The following ANO10 variants were observed in gnomAD, a reference collection of about 807,000 sequenced individuals.
The protein encoded by ANO10 is anoctamin-10.
Under a neutral mutation model 74.7 loss-of-function variants are expected in ANO10, and 77 were observed. That is an observed-to-expected ratio of 1.03 (90% CI 0.86 to 1.25). The LOEUF (loss-of-function observed/expected upper bound fraction) is 1.25. ANO10 is among the 50% of genes most tolerant of loss of function. The pLI is 0.00. For missense variants in ANO10, 721 were observed against 778.1 expected, an observed-to-expected ratio of 0.93 and a Z score of 0.87; for synonymous variants, 279 against 284.9, an observed-to-expected ratio of 0.98 and a Z score of 0.21.
chr3:43,409,295 T>A (rs1037236692), intron 12 of ANO10, among the ~76,000 whole-genome samples: 1 of 150,580 alleles, frequency 6.6e-6, no homozygotes, highest in African/African-American at 2.4e-5. Flanking sequence ...TGCCTGTAAT[T>A]CCAGCACTTT....
chr3:43,670,483 T>C (rs1315657829), intron 1 of ANO10, among the ~76,000 whole-genome samples: 1 of 152,178 alleles, frequency 6.6e-6, no homozygotes, highest in African/African-American at 2.4e-5. Flanking sequence ...TAGGATGAAG[T>C]TGATTTCCAA....
Position 43,574,863 on chromosome 3 carries a change from C to A in ANO10, c.1164G>T (p.Glu388Asp). ...GATAGGCAGATTCCAATCTGTGATT[C>A]TCTAAAACATTAAAACACACAGGTA... ...RYAAEFLTSW[E>D]NHRLESAYQN... The change falls in exon 7 of 13, where the codon GAG becomes GAT. Residue 388 changes from glutamate (E) to aspartate (D), a missense_variant and splice_region_variant. Physicochemically the swap from Glu to Asp is conservative, Grantham distance 45. Transcript: ENST00000292246. 1 of 1,613,646 alleles carries A rather than the reference C, an allele frequency of 6.2e-7. No homozygotes were observed. Among genetic ancestry groups the A allele is most frequent in the South Asian group, 1.1e-5 (1 of 91,052 alleles).
intron 1 of ANO10, among the ~76,000 whole-genome samples, chr3:43,638,160 C>T (rs1166562006): frequency 6.6e-6 from 1 of 152,170 alleles, no homozygotes; most frequent in Non-Finnish European, 1.5e-5. Context: ...TATAAATGGT[C>T]ATTGACTAAC....
chr3:43,578,749 CAAAAAAAAAAAAAAAAA>C (rs56186109), intron 5 of ANO10, among the ~76,000 whole-genome samples: 3 of 64,444 alleles, frequency 4.7e-5, no homozygotes, highest in South Asian at 1.1e-3. Context: ...GACTCCATCT[CAAAAAAAAAAAAAAAAA>C]AAAAAAAAAA....
chr3:43,594,902 T>G (rs1291992627), intron 4 of ANO10, among the ~76,000 whole-genome samples: 1 of 151,796 alleles, frequency 6.6e-6, no homozygotes, highest in Non-Finnish European at 1.5e-5. Flanking sequence ...AAGAATCAAA[T>G]AGACACAATA....
At chr3:43,630,416 G>T (rs2083534642) in intron 1 of ANO10, among the ~76,000 whole-genome samples, 1 of 151,944 alleles carries the variant, frequency 6.6e-6, no homozygotes. Context: ...GACACACCAG[G>T]CAAATATAAA....
chr3:43,575,539 A>G (rs1386317135), intron 6 of ANO10, among the ~76,000 whole-genome samples: 1 of 152,208 alleles, frequency 6.6e-6, no homozygotes, highest in Admixed American at 6.5e-5. Flanking sequence ...CACTCTCAGG[A>G]TCAGAAATAA....
At chr3:43,391,525 T>C (rs1482261324) in intron 12 of ANO10, among the ~76,000 whole-genome samples, 1 of 152,232 alleles carries the variant, frequency 6.6e-6, no homozygotes, top group Non-Finnish European at 1.5e-5. Context: ...CACTCCTTTG[T>C]GGAATCCCCT....
chr3:43,505,579 T>C (rs1470457881), intron 11 of ANO10, among the ~76,000 whole-genome samples: 2 of 152,244 alleles, frequency 1.3e-5, no homozygotes, highest in African/African-American at 4.8e-5. Flanking sequence ...AGGAATGATA[T>C]AACACATTTT....
chr3:43,674,544 C>T (rs956662863), intron 1 of ANO10, among the ~76,000 whole-genome samples: 25 of 152,102 alleles, frequency 1.6e-4, no homozygotes, highest in African/African-American at 5.6e-4. Flanking sequence ...TCATCATTCT[C>T]AACACTTAAG....
chr3:43,369,150 T>C (rs2091516683), intron 12 of ANO10, among the ~76,000 whole-genome samples: 1 of 152,242 alleles, frequency 6.6e-6, no homozygotes, highest in South Asian at 2.1e-4. Context: ...GCCCCCCACT[T>C]GTCCTTATAA....
chr3:43,421,751 T>C (rs1363315690), intron 12 of ANO10, among the ~76,000 whole-genome samples: 1 of 152,022 alleles, frequency 6.6e-6, no homozygotes, highest in Non-Finnish European at 1.5e-5. Flanking sequence ...GGAAGCAGGA[T>C]TGTTTGAGCC....
At chr3:43,402,627 G>C (rs2092503475) in intron 12 of ANO10, among the ~76,000 whole-genome samples, 1 of 152,014 alleles carries the variant, frequency 6.6e-6, no homozygotes, top group South Asian at 2.1e-4. Flanking sequence ...TCTTTTCCCA[G>C]GTCATCCCTT....
At chr3:43,437,446 A>T (rs949214378) in intron 11 of ANO10, among the ~76,000 whole-genome samples, 33 of 152,318 alleles carry the variant, frequency 2.2e-4, no homozygotes, top group African/African-American at 7.7e-4. Context: ...AGAAAGTAGA[A>T]TGTATACATC....
At chr3:43,378,538 T>C (rs909029837) in intron 12 of ANO10, among the ~76,000 whole-genome samples, 4 of 152,236 alleles carry the variant, frequency 2.6e-5, no homozygotes, top group African/African-American at 9.6e-5. Context: ...CAAATATCTA[T>C]ATCTTCTATA....
At chr3:43,608,499 G>C (rs1001700608) in intron 1 of ANO10, among the ~76,000 whole-genome samples, 5 of 152,048 alleles carry the variant, frequency 3.3e-5, no homozygotes, top group African/African-American at 9.7e-5. Flanking sequence ...TCTTGGGCTC[G>C]AGTGATCCTT....
intron 1 of ANO10, among the ~76,000 whole-genome samples, chr3:43,618,361 G>A (rs1234424271): frequency 6.6e-6 from 1 of 152,184 alleles, no homozygotes; most frequent in Non-Finnish European, 1.5e-5. Flanking sequence ...TCTAGCCATG[G>A]AAGCACCAGT....
chr3:43,540,477 C>T (rs1221696043), intron 11 of ANO10, among the ~76,000 whole-genome samples: 1 of 152,212 alleles, frequency 6.6e-6, no homozygotes, highest in Admixed American at 6.5e-5. Context: ...TTTATTCAAT[C>T]TGACAGCAAT....
At position 43,556,966 on chromosome 3, in the gene ANO10, A is replaced by T. The variant is rs2079780825; in HGVS notation, c.1477-1497T>A. ...TAGAAAATCCAACAAAATCTATAGA[A>T]AATGTTTTGGAAATAACAGGAGAGT... On this transcript the variant is annotated intron_variant, in intron 9 of 12. Coordinates refer to ENST00000292246, the MANE Select transcript of ANO10 (RefSeq NM_018075.5). 2.0e-5 allele frequency among the ~76,000 whole-genome samples: 3 copies of T among 152,228 alleles called. No individual in the cohort carries two copies. In the South Asian group the frequency reaches 6.2e-4, roughly 32 times the overall value.
Sources: gnomAD v4.1 joint callset for allele counts (sites outside exome capture counted in the v4.1 genomes callset) on GRCh38, gnomAD v4.1.1 for gene constraint, MANE v1.5 for transcripts, NCBI Gene and HGNC (gene_info 2026-07-23, HGNC 2026-07-21) for gene names.